RASA3: variants seen among roughly 807,000 people sequenced by gnomAD.
RASA3 encodes ras GTPase-activating protein 3.
A neutral mutation model predicts 110.0 loss-of-function variants in RASA3; 73 were observed. The ratio of observed to expected loss-of-function variants is 0.66; its 90% CI spans 0.55 to 0.81. The LOEUF is 0.81. Ranked by LOEUF, RASA3 falls within the 30% of genes least tolerant of loss-of-function variation. RASA3 has a pLI of 0.00. For missense variants in RASA3, 976 were observed against 1,113.2 expected, an observed-to-expected ratio of 0.88 and a Z score of 1.75; for synonymous variants, 500 against 451.4, an observed-to-expected ratio of 1.11 and a Z score of -1.37.
chr13:114,000,508 G>C (rs1444831735), intron 19 of RASA3, among the ~76,000 whole-genome samples: 1 of 152,192 alleles, frequency 6.6e-6, no homozygotes, highest in East Asian at 1.9e-4. Flanking sequence ...CGGCGGAGCG[G>C]CACCCTGGCC....
At chr13:113,998,003 C>T (rs1038327229) in intron 20 of RASA3, among the ~76,000 whole-genome samples, 2 of 152,234 alleles carry the variant, frequency 1.3e-5, no homozygotes, top group Non-Finnish European at 2.9e-5. Flanking sequence ...GAGCAGCCTT[C>T]AGAAAGGTCT....
chr13:114,021,407 G>A lies in RASA3; in HGVS notation c.782C>T (p.Ala261Val). 3.1e-6 allele frequency: 5 copies of A among 1,613,504 alleles called. No homozygotes were observed. The highest frequency in any genetic ancestry group is 3.4e-6 in the Non-Finnish European group (4 of 1,179,602). Reference protein sequence around the residue: ...KVLRQSSSYEAWYFLQPRDNG... With the variant: ...KVLRQSSSYEVWYFLQPRDNG... ...TGCAGGTGCAACATCATCTTACCAC[G>A]CCTCGTAGGAGCTGGACTGCCGCAG... The change falls in exon 9 of 24, where the codon GCG becomes GTG. Residue 261 changes from alanine to valine, a missense_variant. Ala to Val is a moderately conservative substitution (Grantham distance 64). Transcript: ENST00000334062.
At chr13:114,103,061 G>A (rs770297456) in intron 1 of RASA3, among the ~76,000 whole-genome samples, 3 of 152,186 alleles carry the variant, frequency 2.0e-5, no homozygotes, top group Admixed American at 6.5e-5. Context: ...CGGTGCAGCC[G>A]GCCCCAGGGG....
In RASA3 at chr13:114,018,237, C is replaced by T. The variant is rs1292335017; in HGVS notation, c.958G>A (p.Ala320Thr). 6.4e-7 allele frequency: 1 copy of T among 1,552,920 alleles called. No homozygotes were observed. The highest frequency in any genetic ancestry group is 1.9e-5 in the Admixed American group (1 of 51,600). Residue 320 changes from alanine (A) to threonine (T), a missense_variant, in exon 11 of 24, where the codon GCG (alanine) becomes ACG (threonine). This residue lies in a region of RASA3 where 732 missense variants were observed against 779.7 expected (regional missense o/e 0.94). Transcript: ENST00000334062. ...SADVEPVSAS[A>T]AHILGEVCRE... Reference sequence around the variant, plus strand: ...CAAACCTCGCCCAGGATGTGGGCCGCAGACGCTGACACGGGCTGCGGGGAG... The same window carrying T: ...CAAACCTCGCCCAGGATGTGGGCCGTAGACGCTGACACGGGCTGCGGGGAG...
At chr13:113,999,993 A>T (rs1302611298) in intron 19 of RASA3, among the ~76,000 whole-genome samples, 1 of 18,874 alleles carries the variant, frequency 5.3e-5, no homozygotes, top group Admixed American at 9.0e-4. Flanking sequence ...CTGTCAGGGG[A>T]TCTCTACCGG....
chr13:114,125,749 C>A (rs567520519), intron 1 of RASA3, among the ~76,000 whole-genome samples: 2 of 152,164 alleles, frequency 1.3e-5, no homozygotes, highest in Non-Finnish European at 2.9e-5. Context: ...TCTGGTTGCA[C>A]GGCAAGCCCC....
intron 22 of RASA3, among the ~76,000 whole-genome samples, chr13:113,990,201 G>C (rs533346210): frequency 1.3e-5 from 2 of 152,168 alleles, no homozygotes; most frequent in African/African-American, 2.4e-5. Flanking sequence ...AGAACTGTGA[G>C]TCAATCAATC....
chr13:114,020,471 G>C (rs1477928154), intron 9 of RASA3, among the ~76,000 whole-genome samples: 1 of 152,202 alleles, frequency 6.6e-6, no homozygotes, highest in East Asian at 1.9e-4. Context: ...CGTCTTCGTA[G>C]AATCAAAAGA....
chr13:114,055,647 C>T (rs962621489), intron 2 of RASA3, among the ~76,000 whole-genome samples: 2 of 152,222 alleles, frequency 1.3e-5, no homozygotes, highest in African/African-American at 4.8e-5. Context: ...CGTCCTAGAG[C>T]AACTTTCAGG....
chr13:114,056,358 G>T lies in RASA3; in HGVS notation c.174-4203C>A. On this transcript the variant is annotated intron_variant, in intron 2 of 23. Coordinates refer to ENST00000334062, the MANE Select transcript of RASA3 (RefSeq NM_007368.4). This position sits in a 1 kb window ranked among gnomAD's most constrained non-coding sequence, Gnocchi z 5.7. ...CGCTAAGCACACCCCACAAACGGGCGCCGCGCACCTGGCATTTAACCCTGC... is the reference window on the plus strand; with the variant it reads ...CGCTAAGCACACCCCACAAACGGGCTCCGCGCACCTGGCATTTAACCCTGC... The T allele has an allele frequency of 1.2e-6, 1 of 803,680 alleles. No homozygotes were observed. The highest frequency in any genetic ancestry group is 1.5e-6 in the Non-Finnish European group (1 of 663,994). 49.8% of individuals were successfully genotyped at this position (803,680 alleles called of 1,614,324 possible).
intron 1 of RASA3, among the ~76,000 whole-genome samples, chr13:114,088,116 G>C (rs2079844750): frequency 8.9e-6 from 1 of 112,872 alleles, no homozygotes; most frequent in African/African-American, 3.3e-5. Flanking sequence ...GGATGACAGA[G>C]TGAGGCCCTG....
chr13:114,013,361 C>T, intron 14 of RASA3, 113 bp from the exon 15 acceptor site: 1 of 572,552 alleles, frequency 1.7e-6, no homozygotes, highest in South Asian at 2.1e-5. Context: ...AGTCCTGGCT[C>T]TATCTCCACC....
At position 114,024,187 on chromosome 13, in the gene RASA3, CTATGACCCTATA is replaced by C; in HGVS notation, c.680+80_680+91del. The stretch of plus-strand genomic sequence containing the variant: ...CAAGAAAATGGAAATTCATTTCTAT[CTATGACCCTATA>C]TTTAGTAACAAAGAACAAAAGAGCT... On this transcript the variant is annotated intron_variant, in intron 8 of 23. Coordinates refer to ENST00000334062, the MANE Select transcript of RASA3 (RefSeq NM_007368.4). 3 of 1,216,040 alleles carry C rather than the reference CTATGACCCTATA, an allele frequency of 2.5e-6. 1 individual carries two copies. The South Asian group carries it at 3.7e-5, about 15-fold the overall frequency. The allele number at this position is 1,216,040 out of a possible 1,614,324, so 75.3% of individuals were successfully genotyped here.
intron 18 of RASA3, among the ~76,000 whole-genome samples, chr13:114,001,528 C>T (rs891313374): frequency 1.3e-5 from 2 of 150,900 alleles, no homozygotes; most frequent in Admixed American, 1.3e-4. Context: ...GACGCTCACA[C>T]ACAGAGGACC....
At chr13:114,129,339 A>G (rs929401705) in intron 1 of RASA3, among the ~76,000 whole-genome samples, 2 of 152,250 alleles carry the variant, frequency 1.3e-5, no homozygotes, top group African/African-American at 4.8e-5. Flanking sequence ...AGAAAGCCAG[A>G]TTCTTCAAGA....
intron 1 of RASA3, among the ~76,000 whole-genome samples, chr13:114,102,103 G>A (rs1566575268): frequency 6.6e-6 from 1 of 152,242 alleles, no homozygotes; most frequent in Non-Finnish European, 1.5e-5. Context: ...CTGTGCAAAT[G>A]CACTTGACCT....
intron 3 of RASA3, among the ~76,000 whole-genome samples, chr13:114,049,279 G>A (rs976133488): frequency 6.6e-6 from 1 of 151,726 alleles, no homozygotes; most frequent in Non-Finnish European, 1.5e-5. Flanking sequence ...TTTCATGCCC[G>A]GTAACAACAT....
intron 20 of RASA3, 68 bp downstream of exon 20, chr13:113,999,517 G>A (rs1006977367): frequency 1.7e-5 from 22 of 1,302,478 alleles, no homozygotes; most frequent in East Asian, 2.3e-5. Flanking sequence ...GGCCAGGTAC[G>A]GGAAGAGAGC....
At chr13:114,090,717 T>G (rs4883648) in intron 1 of RASA3, among the ~76,000 whole-genome samples, 143,395 of 152,240 alleles carry the variant, frequency 0.94, 67,885 homozygotes, top group Non-Finnish European at 1. Flanking sequence ...TGCAGCAGGC[T>G]CAGGCAGTGA....
Sources: allele counts gnomAD v4.1 joint callset (sites outside exome capture counted in the v4.1 genomes callset), GRCh38; gene constraint gnomAD v4.1.1; regional missense constraint gnomAD v4.1.1; non-coding constraint Gnocchi (gnomAD v3.1); transcripts MANE v1.5; gene names NCBI Gene and HGNC (gene_info 2026-07-23, HGNC 2026-07-21).